WDR49: variants seen among roughly 807,000 people sequenced by gnomAD.
WDR49 encodes the protein cilia- and flagella-associated protein 337.
A neutral mutation model predicts 119.5 loss-of-function variants in WDR49; 107 were observed. The ratio of observed to expected loss-of-function variants is 0.90; its 90% confidence interval spans 0.77 to 1.05. The LOEUF (loss-of-function observed/expected upper bound fraction) is 1.05. Among genes scored for constraint, WDR49 ranks in the 50% least tolerant of loss-of-function variants. WDR49 has a pLI of 0.00. For synonymous variants in WDR49, 425 were observed against 418.8 expected (o/e 1.01, Z -0.18); for missense variants, 1,240 against 1,220.5 (o/e 1.02, Z -0.24).
intron 9 of WDR49, among the ~76,000 whole-genome samples, chr3:167,557,707 C>T (rs1490172964): frequency 6.7e-6 from 1 of 149,312 alleles, no homozygotes; most frequent in African/African-American, 2.5e-5. Flanking sequence ...GAGCTGAGAT[C>T]GTGCCACTGC....
intron 3 of WDR49, among the ~76,000 whole-genome samples, chr3:167,623,235 A>T (rs1209993199): frequency 1.3e-5 from 2 of 152,094 alleles, no homozygotes; most frequent in Non-Finnish European, 2.9e-5. Context: ...ATCACAAGAA[A>T]AGAAAACTGC....
At chr3:167,596,777 G>A (rs1383947779) in intron 7 of WDR49, among the ~76,000 whole-genome samples, 1 of 150,214 alleles carries the variant, frequency 6.7e-6, no homozygotes, top group African/African-American at 2.5e-5. Context: ...GCTAGATGAT[G>A]AGCTAGTGGG....
At position 167,578,662 on chromosome 3, in the gene WDR49, A is replaced by C. The variant is rs77757743; in HGVS notation, c.1276-2511T>G. ...TTAACACTATCTGTAAGCACCTAAA[A>C]ATCTTTAAAGATCTGCTTTAAGCAA... On this transcript the variant is annotated intron_variant, in intron 7 of 18. Coordinates refer to ENST00000682715, the MANE Select transcript of WDR49 (RefSeq NM_001366157.1). Among the ~76,000 whole-genome samples the C allele has an allele frequency of 6.8e-3, 1,032 of 152,226 alleles. 56 individuals are homozygous for C. The East Asian group carries it at 0.13, about 20-fold the overall frequency.
intron 7 of WDR49, among the ~76,000 whole-genome samples, chr3:167,585,853 G>T (rs1714785817): frequency 6.6e-6 from 1 of 152,010 alleles, no homozygotes; most frequent in Admixed American, 6.6e-5. Context: ...GAAAGAAATG[G>T]ATTTGAAGGG....
chr3:167,554,192 G>A (rs1298707621), intron 10 of WDR49, among the ~76,000 whole-genome samples: 2 of 152,122 alleles, frequency 1.3e-5, no homozygotes, highest in Non-Finnish European at 2.9e-5. Flanking sequence ...CTCGAGAAGA[G>A]TAAGTGCCTT....
At chr3:167,499,901 T>A (rs1391911695) in intron 18 of WDR49, among the ~76,000 whole-genome samples, 1 of 152,194 alleles carries the variant, frequency 6.6e-6, no homozygotes, top group African/African-American at 2.4e-5. Flanking sequence ...CATAGATACA[T>A]GTTCATGGCA....
intron 14 of WDR49, 23 bp downstream of exon 14, chr3:167,529,024 GGTAAT>G (rs1370020227): frequency 7.3e-6 from 11 of 1,506,808 alleles, no homozygotes; most frequent in Non-Finnish European, 9.7e-6. Context: ...AAATCTTAAA[GGTAAT>G]GTGATAATGT....
At chr3:167,528,059 T>C (rs530805227) in intron 14 of WDR49, 42 bp from the exon 15 acceptor site, 2 of 1,541,562 alleles carry the variant, frequency 1.3e-6, no homozygotes, top group South Asian at 1.1e-5. Flanking sequence ...AATTCAAATA[T>C]GAAATGATTA....
rs144226750 is a variant in WDR49 at position 167,639,959 on chromosome 3, A to G, written c.166-12667T>C. ...CCAACCTCAAATGTCCCTCTATACT[A>G]CTAGGAATCCTTCCATGTTTTCTTG... is the stretch of plus-strand genomic sequence containing the variant. On this transcript the variant is annotated intron_variant, in intron 2 of 18. Transcript: ENST00000682715. 2.3e-3 allele frequency among the ~76,000 whole-genome samples: 343 copies of G among 151,826 alleles called. 1 individual carries two copies. The highest frequency in any genetic ancestry group is 7.7e-3 in the African/African-American group (320 of 41,510).
intron 7 of WDR49, among the ~76,000 whole-genome samples, chr3:167,601,073 T>C (rs1156625970): frequency 2.0e-5 from 3 of 152,106 alleles, no homozygotes; most frequent in Admixed American, 1.3e-4. Flanking sequence ...TAGAGAGATA[T>C]ATTAGAAAAC....
At chr3:167,587,243 A>G (rs980509149) in intron 7 of WDR49, among the ~76,000 whole-genome samples, 1 of 152,174 alleles carries the variant, frequency 6.6e-6, no homozygotes, top group African/African-American at 2.4e-5. Context: ...CGGTATCCAA[A>G]TCAGATTGTG....
In WDR49 at chr3:167,509,154, G is replaced by A. The variant is rs185667131; in HGVS notation, c.2775-3738C>T. ...CTAATAATGAATCCCTTCCAGATAA[G>A]CAATTTTTTAAATGGTAACCAAAGG... On this transcript the variant is annotated intron_variant, in intron 16 of 18. Coordinates refer to ENST00000682715, the MANE Select transcript of WDR49 (RefSeq NM_001366157.1). Among the ~76,000 whole-genome samples, 64 of 152,210 alleles carry A rather than the reference G, an allele frequency of 4.2e-4. No individual in the cohort carries two copies. In the East Asian group the frequency reaches 5.2e-3, roughly 12 times the overall value.
At chr3:167,517,303 G>A (rs949315077) in intron 16 of WDR49, among the ~76,000 whole-genome samples, 3 of 152,068 alleles carry the variant, frequency 2.0e-5, no homozygotes, top group African/African-American at 4.8e-5. Context: ...AAACAGCATA[G>A]TACTGGTACA....
intron 6 of WDR49, among the ~76,000 whole-genome samples, chr3:167,603,362 C>T (rs893960910): frequency 1.1e-4 from 17 of 152,074 alleles, no homozygotes; most frequent in Admixed American, 8.5e-4. Flanking sequence ...TGAGTCCTTG[C>T]CAAAATGAGT....
At chr3:167,593,039 C>T (rs1334675219) in intron 7 of WDR49, among the ~76,000 whole-genome samples, 1 of 151,986 alleles carries the variant, frequency 6.6e-6, no homozygotes, top group Non-Finnish European at 1.5e-5. Flanking sequence ...TTTCTTTATC[C>T]TTGACCTTTG....
intron 5 of WDR49, among the ~76,000 whole-genome samples, chr3:167,615,651 A>G (rs911949488): frequency 2.0e-5 from 3 of 152,146 alleles, no homozygotes; most frequent in African/African-American, 7.2e-5. Context: ...GGAATTATTA[A>G]TTAGAGACAC....
chr3:167,560,952 A>G (rs552174583), intron 8 of WDR49, among the ~76,000 whole-genome samples: 13 of 152,290 alleles, frequency 8.5e-5, no homozygotes, highest in Admixed American at 8.5e-4. Flanking sequence ...TATTTAAGAG[A>G]TTCATAGGTT....
At chr3:167,579,136 C>A (rs928728464) in intron 7 of WDR49, among the ~76,000 whole-genome samples, 1 of 152,058 alleles carries the variant, frequency 6.6e-6, no homozygotes, top group Non-Finnish European at 1.5e-5. Context: ...CCTGAGGCCT[C>A]CTTAGCTGTG....
At chr3:167,537,586 T>G (rs1276770618) in intron 10 of WDR49, among the ~76,000 whole-genome samples, 2 of 152,142 alleles carry the variant, frequency 1.3e-5, no homozygotes, top group African/African-American at 4.8e-5. Context: ...GACAGATACA[T>G]TTTGAACAGA....
Sources: gnomAD v4.1 joint callset for allele counts (sites outside exome capture counted in the v4.1 genomes callset) on GRCh38, gnomAD v4.1.1 for gene constraint, MANE v1.5 for transcripts, NCBI Gene and HGNC (gene_info 2026-07-23, HGNC 2026-07-21) for gene names.